Variants in ST3GAL3 observed in about 807,000 individuals in gnomAD.
ST3GAL3 encodes ST3 beta-galactoside alpha-2,3-sialyltransferase 3, also known as CMP-N-acetylneuraminate-beta-1,4-galactoside alpha-2,3-sialyltransferase.
A neutral mutation model predicts 50.1 loss-of-function variants in ST3GAL3; 21 were observed. The ratio of observed to expected loss-of-function variants is 0.42; its 90% CI spans 0.30 to 0.60. The LOEUF (loss-of-function observed/expected upper bound fraction) is 0.60, where lower values mean the gene tolerates loss of function less well. Among genes scored for constraint, ST3GAL3 ranks in the 20% least tolerant of loss-of-function variants. The pLI is 0.19. For missense variants in ST3GAL3, 353 were observed against 489.4 expected (o/e 0.72, Z 2.63); for synonymous variants, 183 against 190.0 (o/e 0.96, Z 0.30).
chr1:43,789,761 C>A (rs2057809743), intron 2 of ST3GAL3, among the ~76,000 whole-genome samples: 1 of 151,866 alleles, frequency 6.6e-6, no homozygotes, highest in African/African-American at 2.4e-5. Context: ...GTAGTCCTAG[C>A]TGTTGAGGAG....
rs189067386 is a variant in ST3GAL3 at position 43,752,093 on chromosome 1, A to G, written c.118+15713A>G. On this transcript the variant is annotated intron_variant, in intron 2 of 11. Coordinates refer to ENST00000347631, the MANE Select transcript of ST3GAL3 (RefSeq NM_006279.5). The stretch of plus-strand genomic sequence containing the variant: ...TGGCCTCCCTAAGTGCGGGGATTAC[A>G]GGTGTGAGCCACTGCGCCCGGCCTA... Among the ~76,000 whole-genome samples, 249 of 152,334 alleles carry G rather than the reference A, an allele frequency of 1.6e-3. 2 individuals are homozygous for G. Among genetic ancestry groups the G allele is most frequent in the African/African-American group, 5.6e-3 (231 of 41,586 alleles).
intron 4 of ST3GAL3, among the ~76,000 whole-genome samples, chr1:43,833,968 C>A (rs914952399): frequency 2.0e-5 from 3 of 152,190 alleles, no homozygotes; most frequent in Non-Finnish European, 4.4e-5. Context: ...CTCCCCCAAC[C>A]TGGCCAACAT....
In ST3GAL3 at chr1:43,904,218, C is replaced by A. The variant is rs554127199; in HGVS notation, c.744+4491C>A. On this transcript the variant is annotated intron_variant, in intron 9 of 11. Coordinates refer to ENST00000347631, the MANE Select transcript of ST3GAL3 (RefSeq NM_006279.5). ...CGTAGGGCAGATGGGGCCACCACAT[C>A]CCCAAATGTAAGGCCTCTTATTGGA... 4.6e-5 allele frequency among the ~76,000 whole-genome samples: 7 copies of A among 152,210 alleles called. 1 individual carries two copies. The South Asian group carries it at 1.5e-3, about 32-fold the overall frequency.
At chr1:43,874,300 G>A (rs1296134500) in intron 5 of ST3GAL3, among the ~76,000 whole-genome samples, 3 of 152,262 alleles carry the variant, frequency 2.0e-5, no homozygotes, top group South Asian at 4.1e-4. Flanking sequence ...AAAGTAATAC[G>A]TGACCTTAAA....
At chr1:43,778,342 A>T (rs962759441) in intron 2 of ST3GAL3, among the ~76,000 whole-genome samples, 2 of 152,196 alleles carry the variant, frequency 1.3e-5, no homozygotes, top group Admixed American at 6.5e-5. Context: ...TGATGGGTTG[A>T]TCTGTGCAGC....
intron 2 of ST3GAL3, among the ~76,000 whole-genome samples, chr1:43,782,582 C>G (rs192399995): frequency 1.3e-5 from 2 of 152,220 alleles, no homozygotes; most frequent in East Asian, 3.9e-4. Flanking sequence ...CTCTATATTC[C>G]TCTCCACTTA....
chr1:43,877,136 C>T (rs1000858992), intron 5 of ST3GAL3, among the ~76,000 whole-genome samples: 3 of 152,216 alleles, frequency 2.0e-5, no homozygotes, highest in Non-Finnish European at 4.4e-5. Flanking sequence ...TCTGCCCCTA[C>T]AGCCTCACCC....
At chr1:43,779,359 C>A (rs891212035) in intron 2 of ST3GAL3, among the ~76,000 whole-genome samples, 1 of 152,194 alleles carries the variant, frequency 6.6e-6, no homozygotes, top group South Asian at 2.1e-4. Context: ...GCTGTGTAAT[C>A]TTGTGCAAGT....
chr1:43,905,927 C>G (rs1287280572), intron 9 of ST3GAL3, among the ~76,000 whole-genome samples: 6 of 107,008 alleles, frequency 5.6e-5, no homozygotes, highest in Admixed American at 8.9e-5. Flanking sequence ...TCCCACCACT[C>G]TTCCCCCTCC....
intron 5 of ST3GAL3, among the ~76,000 whole-genome samples, chr1:43,870,769 C>A (rs2072506651): frequency 6.6e-6 from 1 of 151,950 alleles, no homozygotes; most frequent in Admixed American, 6.6e-5. Flanking sequence ...GGAGACATGG[C>A]CATGGAGTGA....
At chr1:43,882,430 C>G (rs2075297027) in intron 5 of ST3GAL3, among the ~76,000 whole-genome samples, 1 of 152,132 alleles carries the variant, frequency 6.6e-6, no homozygotes, top group Non-Finnish European at 1.5e-5. Context: ...TTCTAGGTAG[C>G]AGTTGCAGTT....
chr1:43,870,731 T>C (rs1015099008), intron 5 of ST3GAL3, among the ~76,000 whole-genome samples: 3 of 151,956 alleles, frequency 2.0e-5, no homozygotes, highest in Admixed American at 6.6e-5. Context: ...GAGCCTGTGA[T>C]GGGAAGACGA....
chr1:43,907,906 C>T (rs938766511), intron 9 of ST3GAL3, among the ~76,000 whole-genome samples: 11 of 152,282 alleles, frequency 7.2e-5, no homozygotes, highest in Admixed American at 6.5e-4. Flanking sequence ...CCAGTGTCTC[C>T]CTGTTTGCCG....
intron 11 of ST3GAL3, among the ~76,000 whole-genome samples, chr1:43,928,045 G>A (rs900360200): frequency 4.6e-5 from 7 of 152,246 alleles, no homozygotes; most frequent in African/African-American, 1.7e-4. Context: ...GAATTTGGCT[G>A]ATGACTACCT....
intron 3 of ST3GAL3, among the ~76,000 whole-genome samples, chr1:43,812,918 A>T (rs1373846943): frequency 6.6e-6 from 1 of 152,226 alleles, no homozygotes; most frequent in Non-Finnish European, 1.5e-5. Context: ...TTAAGATGCC[A>T]TTGACAAATA....
At chr1:43,872,456 G>A (rs2073195211) in intron 5 of ST3GAL3, among the ~76,000 whole-genome samples, 1 of 151,812 alleles carries the variant, frequency 6.6e-6, no homozygotes, top group African/African-American at 2.4e-5. Context: ...ACTCCCTGAG[G>A]GAGAGGGAGG....
chr1:43,725,841 C>T (rs1017316141), intron 1 of ST3GAL3, among the ~76,000 whole-genome samples: 7 of 151,980 alleles, frequency 4.6e-5, no homozygotes, highest in Non-Finnish European at 7.4e-5. Flanking sequence ...GAGACGGTTT[C>T]GCTATGTTGC....
intron 3 of ST3GAL3, among the ~76,000 whole-genome samples, chr1:43,795,959 C>T (rs984257583): frequency 2.0e-5 from 3 of 152,308 alleles, no homozygotes; most frequent in African/African-American, 7.2e-5. Context: ...CAAACAGCTT[C>T]AGGAAAAGAC....
intron 2 of ST3GAL3, among the ~76,000 whole-genome samples, chr1:43,744,683 T>TAAATA (rs1553270731): frequency 8.4e-5 from 12 of 143,136 alleles, no homozygotes; most frequent in Admixed American, 2.7e-4. Flanking sequence ...AATAAATAAA[T>TAAATA]AAATAAAATA....
Sources: allele counts gnomAD v4.1 joint callset (sites outside exome capture counted in the v4.1 genomes callset), GRCh38; gene constraint gnomAD v4.1.1; transcripts MANE v1.5; gene names NCBI Gene and HGNC (gene_info 2026-07-23, HGNC 2026-07-21).